Variants in TBC1D32 observed in about 807,000 individuals in gnomAD.
The protein encoded by TBC1D32 is TBC1 domain family member 32, also known as protein broad-minded.
TBC1D32 carries 151 observed loss-of-function variants against 170.3 expected under a neutral mutation model. The observed-to-expected ratio is 0.89, with a 90% CI of 0.78 to 1.01. TBC1D32 has a LOEUF of 1.01. TBC1D32 is among the 50% of genes least tolerant of loss of function. The pLI, the probability that TBC1D32 is intolerant of heterozygous loss-of-function variation, is 0.00. For synonymous variants in TBC1D32, 498 were observed against 488.0 expected (o/e 1.02, Z -0.27); for missense variants, 1,464 against 1,457.1 (o/e 1.00, Z -0.08).
At chr6:121,321,384 G>T (rs113371372) in intron 2 of TBC1D32, among the ~76,000 whole-genome samples, 2,883 of 152,196 alleles carry the variant, frequency 0.019, 102 homozygotes, top group African/African-American at 0.066. Flanking sequence ...TAAGAAATGG[G>T]GTAGGAGAGG....
chr6:121,111,961 T>C (rs1485584645), intron 29 of TBC1D32, among the ~76,000 whole-genome samples: 9 of 152,054 alleles, frequency 5.9e-5, no homozygotes. Flanking sequence ...AAAATAAACA[T>C]AAACATTATA....
intron 21 of TBC1D32, among the ~76,000 whole-genome samples, chr6:121,221,363 G>T (rs535987419): frequency 1.3e-5 from 2 of 152,294 alleles, no homozygotes; most frequent in African/African-American, 4.8e-5. Flanking sequence ...TATTGTTTTT[G>T]TGCCTGCTAA....
chr6:121,203,675 A>T (rs1249954133), intron 22 of TBC1D32, among the ~76,000 whole-genome samples: 2 of 151,354 alleles, frequency 1.3e-5, no homozygotes, highest in African/African-American at 2.5e-5. Context: ...TCCACTTTAC[A>T]GATGAGTAAC....
chr6:121,314,830 T>C (rs535830518), intron 3 of TBC1D32, among the ~76,000 whole-genome samples: 1 of 152,216 alleles, frequency 6.6e-6, no homozygotes, highest in Non-Finnish European at 1.5e-5. Context: ...AATTTTCTAT[T>C]TGAGTGTGTC....
upstream of TBC1D32, chr6:121,334,592 T>C (rs1408241394): frequency 4.7e-5 from 37 of 787,820 alleles, no homozygotes; most frequent in African/African-American, 1.1e-4. Context: ...TGCCAGTGCG[T>C]CATTTCGGAA....
rs369614039 is a variant in TBC1D32 at position 121,113,143 on chromosome 6, C to A, written c.3088G>T (p.Ala1030Ser). The stretch of plus-strand genomic sequence containing the variant: ...AAAACCCAGGTAAGATCATTTTCTG[C>A]ACCATCTTTTAAGAGACTGAGGAAT... ...GKFLSLLKDG[A>S]ENDLTWVLKH... Residue 1030 changes from alanine to serine, a missense_variant, in exon 28 of 32, where the codon GCA becomes TCA. Ala to Ser is a moderately conservative substitution (Grantham distance 99). Coordinates refer to ENST00000398212, the MANE Select transcript of TBC1D32 (RefSeq NM_152730.6). 435 of 1,611,118 alleles carry A rather than the reference C, an allele frequency of 2.7e-4. 3 individuals carry two copies. In the South Asian group the frequency reaches 3.6e-3, roughly 13 times the overall value.
chr6:121,296,270 G>A (rs1291018685), intron 10 of TBC1D32, among the ~76,000 whole-genome samples: 2 of 151,972 alleles, frequency 1.3e-5, no homozygotes, highest in Admixed American at 6.6e-5. Context: ...TCCTTTCATT[G>A]TTATAAATGA....
intron 20 of TBC1D32, 104 bp downstream of exon 20, chr6:121,238,966 T>TA: frequency 1.9e-6 from 1 of 534,692 alleles, no homozygotes; most frequent in East Asian, 2.9e-5. Flanking sequence ...ATAAATATAT[T>TA]AAAAAGTCTG....
At chr6:121,194,559 C>G (rs1230459744) in intron 22 of TBC1D32, among the ~76,000 whole-genome samples, 2 of 152,216 alleles carry the variant, frequency 1.3e-5, no homozygotes, top group African/African-American at 4.8e-5. Context: ...GTGACTCCAA[C>G]TGCAGCTGCT....
At chr6:121,263,326 G>A (rs938264670) in intron 15 of TBC1D32, among the ~76,000 whole-genome samples, 7 of 151,912 alleles carry the variant, frequency 4.6e-5, no homozygotes, top group African/African-American at 1.7e-4. Flanking sequence ...AACCAACAAA[G>A]ATCAAAAAAG....
chr6:121,293,307 G>A (rs897604720), intron 11 of TBC1D32, among the ~76,000 whole-genome samples: 6 of 152,044 alleles, frequency 3.9e-5, no homozygotes, highest in African/African-American at 1.4e-4. Context: ...GAACTTATAT[G>A]TCCTTTTCCT....
chr6:121,085,236 CAT>C (rs1245096727), intron 31 of TBC1D32, among the ~76,000 whole-genome samples: 21 of 142,552 alleles, frequency 1.5e-4, no homozygotes, highest in African/African-American at 5.0e-4. Context: ...TATATATACA[CAT>C]ATACATACGT....
intron 22 of TBC1D32, among the ~76,000 whole-genome samples, chr6:121,177,722 T>C (rs1787966896): frequency 1.3e-5 from 2 of 152,170 alleles, no homozygotes; most frequent in African/African-American, 4.8e-5. Flanking sequence ...ATTCAGGCTT[T>C]GTGTAATAAG....
chr6:121,264,248 C>T (rs1028985508), intron 15 of TBC1D32, among the ~76,000 whole-genome samples: 1 of 152,030 alleles, frequency 6.6e-6, no homozygotes, highest in Non-Finnish European at 1.5e-5. Context: ...AAAGAGATAT[C>T]ACCACCAACC....
rs1447396897 is a variant in TBC1D32, at chr6:121,229,728, C to CT, written c.2365-6377dup. On this transcript the variant is annotated intron_variant, in intron 20 of 31. Transcript: ENST00000398212. ...TGGGATAATTCATGAAAAAGAGGCA[C>CT]TATCTTCACCTACTATTTGGTTACC... 3.9e-5 allele frequency among the ~76,000 whole-genome samples: 6 copies of CT among 152,258 alleles called. No homozygotes were observed. The East Asian group carries it at 5.8e-4, about 15-fold the overall frequency.
At chr6:121,253,050 A>C (rs572001511) in intron 17 of TBC1D32, among the ~76,000 whole-genome samples, 10 of 152,280 alleles carry the variant, frequency 6.6e-5, no homozygotes, top group East Asian at 1.9e-4. Context: ...GCTTAGGCAA[A>C]GAATTCATGA....
intron 12 of TBC1D32, among the ~76,000 whole-genome samples, chr6:121,286,520 G>C (rs145584578): frequency 6.6e-6 from 1 of 151,896 alleles, no homozygotes; most frequent in Non-Finnish European, 1.5e-5. Flanking sequence ...CCAAATCTAC[G>C]TCTGATTGGT....
At chr6:121,143,456 C>G (rs989857058) in intron 24 of TBC1D32, among the ~76,000 whole-genome samples, 8 of 152,116 alleles carry the variant, frequency 5.3e-5, no homozygotes, top group African/African-American at 1.7e-4. Context: ...AAGAGGCAAT[C>G]TAACAGATGA....
Position 121,334,470 on chromosome 6 carries a change from C to T in TBC1D32, c.-40G>A, listed in dbSNP as rs369216631. ...ACGTCCACTCTCATTACTCCAGGTC[C>T]GAGCAAAAGCCGCGCACTGCGCACG... On this transcript the variant is annotated 5_prime_UTR_variant, in exon 1 of 32. Coordinates refer to ENST00000398212, the MANE Select transcript of TBC1D32 (RefSeq NM_152730.6). 166 of 1,581,530 alleles carry T rather than the reference C, an allele frequency of 1.0e-4. 2 individuals are homozygous for T. In the Middle Eastern group the frequency reaches 3.4e-3, roughly 33 times the overall value.
Sources: allele counts gnomAD v4.1 joint callset (sites outside exome capture counted in the v4.1 genomes callset), GRCh38; gene constraint gnomAD v4.1.1; transcripts MANE v1.5; gene names NCBI Gene and HGNC (gene_info 2026-07-23, HGNC 2026-07-21).